DMD: variants seen among roughly 807,000 people sequenced by gnomAD.
DMD encodes mutant dystrophin.
DMD carries 63 observed loss-of-function variants against 330.1 expected under a neutral mutation model. The observed-to-expected ratio is 0.19, with a 90% CI of 0.16 to 0.24. The LOEUF (loss-of-function observed/expected upper bound fraction) is 0.24, where lower values mean the gene tolerates loss of function less well. DMD is among the 10% of genes least tolerant of loss of function. DMD has a pLI of 1.00. For synonymous variants in DMD, 1,223 were observed against 959.8 expected (o/e 1.27, Z -5.07); for missense variants, 3,344 against 2,684.1 (o/e 1.25, Z -5.43).
intron 67 of DMD, among the ~76,000 whole-genome samples, chrX:31,200,129 G>A (rs1317641): frequency 0.084 from 9,362 of 111,680 alleles, 331 homozygotes; most frequent in Admixed American, 0.15. Context: ...TGAAAGCCTC[G>A]CCATACATAT....
chrX:33,300,951 C>T (rs1014155323), intron 1 of DMD, among the ~76,000 whole-genome samples: 1 of 111,444 alleles, frequency 9.0e-6, no homozygotes, highest in Admixed American at 9.6e-5. Context: ...GATGTAGAAC[C>T]AGTCGCGTTA....
chrX:31,164,135 A>G (rs1209468093), intron 74 of DMD, among the ~76,000 whole-genome samples: 1 of 112,123 alleles, frequency 8.9e-6, no homozygotes, highest in Non-Finnish European at 1.9e-5. Context: ...TAATGTTCAC[A>G]TCTTCCGGAG....
chrX:32,641,216 A>T (rs1372251556), intron 11 of DMD, among the ~76,000 whole-genome samples: 2 of 110,201 alleles, frequency 1.8e-5, no homozygotes, highest in Non-Finnish European at 3.8e-5. Flanking sequence ...TCTCTTCAAA[A>T]ACTATATTCC....
chrX:32,279,834 AAAAC>A (rs779479108), intron 43 of DMD, among the ~76,000 whole-genome samples: 2 of 109,313 alleles, frequency 1.8e-5, no homozygotes, highest in Admixed American at 2.0e-4. Context: ...TACTGTTTGT[AAAAC>A]AAAGAATAAT....
At chrX:33,219,468 C>CAA (rs368358220) in intron 1 of DMD, among the ~76,000 whole-genome samples, 3 of 62,754 alleles carry the variant, frequency 4.8e-5, no homozygotes, top group Non-Finnish European at 1.0e-4. Context: ...TTCCACTGGA[C>CAA]AAAAAAAAAA....
At chrX:31,356,780 G>A (rs1453968671) in intron 60 of DMD, among the ~76,000 whole-genome samples, 1 of 111,698 alleles carries the variant, frequency 9.0e-6, no homozygotes, top group Non-Finnish European at 1.9e-5. Flanking sequence ...AGTACCTTAA[G>A]GGTATCATTC....
rs1008615370 is a variant in DMD, at chrX:32,070,051, A to G, written c.6439-101537T>C. Among the ~76,000 whole-genome samples, 7 of 111,361 alleles carry G rather than the reference A, an allele frequency of 6.3e-5. No individual in the cohort carries two copies. In the South Asian group the frequency reaches 1.5e-3, roughly 24 times the overall value. On this transcript the variant is annotated intron_variant, in intron 44 of 78. Transcript: ENST00000357033. ...CCACAGGGAGTACAGGCAGGGGAGGAAAGCAGGCTTGATCTAGATTCAAGC... is the reference window on the plus strand; with the variant it reads ...CCACAGGGAGTACAGGCAGGGGAGGGAAGCAGGCTTGATCTAGATTCAAGC...
chrX:31,174,150 TC>T (rs2040277386), intron 71 of DMD, among the ~76,000 whole-genome samples: 1 of 111,583 alleles, frequency 9.0e-6, no homozygotes, highest in South Asian at 3.8e-4. Context: ...AAATGTATCT[TC>T]CAATTCAGCA....
At chrX:33,188,798 A>G (rs2050387667) in intron 1 of DMD, among the ~76,000 whole-genome samples, 1 of 111,475 alleles carries the variant, frequency 9.0e-6, no homozygotes, top group East Asian at 2.8e-4. Flanking sequence ...TTAAGGTTAA[A>G]TGAGGTCACT....
At position 32,110,739 on chromosome X, in the gene DMD, A is replaced by C. The variant is rs190947372; in HGVS notation, c.6438+106177T>G. On this transcript the variant is annotated intron_variant, in intron 44 of 78. Transcript: ENST00000357033. Reference sequence around the variant, plus strand: ...GATGTAGTCACAAGAAGGACATTCTATTTCCTTTTGAAAAAATGTGTTTCA... The same window carrying C: ...GATGTAGTCACAAGAAGGACATTCTCTTTCCTTTTGAAAAAATGTGTTTCA... Among the ~76,000 whole-genome samples the C allele has an allele frequency of 2.8e-3, 312 of 112,058 alleles. 3 individuals carry two copies. The highest frequency in any genetic ancestry group is 5.0e-3 in the Non-Finnish European group (264 of 53,057).
chrX:31,401,991 C>G (rs569429786), intron 60 of DMD, among the ~76,000 whole-genome samples: 10 of 111,504 alleles, frequency 9.0e-5, no homozygotes, highest in Non-Finnish European at 1.7e-4. Flanking sequence ...TGTAATACAA[C>G]GAGCCTCTGG....
intron 1 of DMD, among the ~76,000 whole-genome samples, chrX:33,269,051 C>T (rs2053103643): frequency 9.0e-6 from 1 of 111,078 alleles, no homozygotes; most frequent in Non-Finnish European, 1.9e-5. Context: ...GAACTTAAAA[C>T]AGATCTATCA....
intron 1 of DMD, among the ~76,000 whole-genome samples, chrX:33,283,412 C>T (rs990415573): frequency 1.8e-5 from 2 of 108,989 alleles, no homozygotes; most frequent in East Asian, 2.9e-4. Flanking sequence ...TGGTGGTGGG[C>T]ACTCGGGAGG....
chrX:32,007,323 T>C (rs1286208133), intron 44 of DMD, among the ~76,000 whole-genome samples: 2 of 109,345 alleles, frequency 1.8e-5, no homozygotes. Flanking sequence ...GTTGAACTTG[T>C]GCTGCTTGAA....
At chrX:32,707,092 G>C (rs1386862667) in intron 7 of DMD, among the ~76,000 whole-genome samples, 1 of 100,611 alleles carries the variant, frequency 9.9e-6, no homozygotes, top group Non-Finnish European at 1.9e-5. Context: ...ACTCCGTCTC[G>C]GAGGGGGTAA....
chrX:31,321,449 G>A (rs2056405619), intron 62 of DMD, among the ~76,000 whole-genome samples: 1 of 107,910 alleles, frequency 9.3e-6, no homozygotes, highest in Admixed American at 1.0e-4. Flanking sequence ...GCCAAGCATG[G>A]TGGCAGGTGC....
At chrX:32,932,702 G>A (rs1187351749) in intron 2 of DMD, among the ~76,000 whole-genome samples, 1 of 111,889 alleles carries the variant, frequency 8.9e-6, no homozygotes, top group Non-Finnish European at 1.9e-5. Flanking sequence ...TAGTTTAAAC[G>A]ATTGATGTAC....
chrX:32,728,761 T>G (rs1488688312), intron 7 of DMD, among the ~76,000 whole-genome samples: 1 of 112,098 alleles, frequency 8.9e-6, no homozygotes, highest in Non-Finnish European at 1.9e-5. Flanking sequence ...ATCTCTTGGC[T>G]TCAGTGAGAA....
chrX:31,211,242 G>A (rs1292999620), intron 64 of DMD, among the ~76,000 whole-genome samples: 1 of 112,105 alleles, frequency 8.9e-6, no homozygotes, highest in East Asian at 2.8e-4. Flanking sequence ...AGGCTGGAGC[G>A]AGGTCCAGAG....
Sources: allele counts gnomAD v4.1 joint callset (sites outside exome capture counted in the v4.1 genomes callset), GRCh38; gene constraint gnomAD v4.1.1; transcripts MANE v1.5; gene names NCBI Gene and HGNC (gene_info 2026-07-23, HGNC 2026-07-21).